Variants in KCTD21 observed in about 807,000 individuals in gnomAD.
KCTD21 encodes the protein potassium channel tetramerization domain containing 21.
KCTD21 carries 9 observed loss-of-function variants against 13.2 expected under a neutral mutation model. The observed-to-expected ratio is 0.68, with a 90% CI of 0.41 to 1.19. The LOEUF (loss-of-function observed/expected upper bound fraction) is 1.19. Ranked by LOEUF, KCTD21 falls within the 50% of genes most tolerant of loss-of-function variation. The pLI, the probability that KCTD21 is intolerant of heterozygous loss-of-function variation, is 0.01. For missense variants in KCTD21, 303 were observed against 336.5 expected (o/e 0.90, Z 0.78); for synonymous variants, 142 against 137.4 (o/e 1.03, Z -0.23).
chr11:78,177,724 T>C (rs1045307828), intron 1 of KCTD21: 2 of 152,338 alleles, frequency 1.3e-5, no homozygotes, highest in African/African-American at 4.8e-5. Context: ...GCCTAGGATC[T>C]ATAAAGTGGC....
At chr11:78,180,052 GA>G (rs1021597466) in intron 1 of KCTD21, among the ~76,000 whole-genome samples, 23 of 152,086 alleles carry the variant, frequency 1.5e-4, no homozygotes, top group African/African-American at 5.3e-4. Flanking sequence ...TGCTGTTTAT[GA>G]AAAATAAACT....
rs1288115947 is a variant in KCTD21, at chr11:78,174,365, G to A, written c.190C>T (p.Arg64Trp). The A allele has an allele frequency of 7.4e-6, 12 of 1,613,952 alleles. No homozygotes were observed. Among genetic ancestry groups the A allele is most frequent in the East Asian group, 2.2e-5 (1 of 44,880 alleles). Residue 64 changes from arginine to tryptophan, a missense_variant, in exon 2 of 2, where the codon CGG becomes TGG. Arg to Trp is a moderately radical substitution (Grantham distance 101). Coordinates refer to ENST00000340067, the MANE Select transcript of KCTD21 (RefSeq NM_001029859.3). ...KVFRYILNFL[R>W]TSHLDLPEDF... ...TCAGGCAGGTCAAGGTGGGAGGTCC[G>A]CAGGAAGTTGAGGATATAGCGGAAC...
intron 1 of KCTD21, among the ~76,000 whole-genome samples, chr11:78,176,603 G>A (rs1413197071): frequency 6.6e-6 from 1 of 152,146 alleles, no homozygotes; most frequent in Non-Finnish European, 1.5e-5. Context: ...ACCCCCAGAA[G>A]AGCCTGTGCT....
In KCTD21 at chr11:78,174,505, G is replaced by A. The variant is rs757747014; in HGVS notation, c.50C>T (p.Ser17Leu). The change falls in exon 2 of 2, where the codon TCA becomes TTA. Residue 17 changes from serine to leucine, a missense_variant. Coordinates refer to ENST00000340067, the MANE Select transcript of KCTD21 (RefSeq NM_001029859.3). ...LNVGGKLYTT[S>L]LATLTSFPDS... ...AGGGAAGCTGGTCAGGGTCGCCAGTGAGGTTGTATAGAGCTTCCCCCCGAC... is the reference window on the plus strand; with the variant it reads ...AGGGAAGCTGGTCAGGGTCGCCAGTAAGGTTGTATAGAGCTTCCCCCCGAC... 21 of 1,614,126 alleles carry A rather than the reference G, an allele frequency of 1.3e-5. No individual in the cohort carries two copies. The highest frequency in any genetic ancestry group is 1.7e-5 in the Admixed American group (1 of 60,022).
intron 1 of KCTD21, among the ~76,000 whole-genome samples, chr11:78,182,921 A>T (rs1862671561): frequency 6.6e-6 from 1 of 152,186 alleles, no homozygotes; most frequent in Non-Finnish European, 1.5e-5. Flanking sequence ...TTACTTCCAT[A>T]ATGAAATGAC....
rs770297678 is a variant in KCTD21, at chr11:78,174,096, G to A, written c.459C>T (p.Cys153=). The A allele has an allele frequency of 1.2e-6, 2 of 1,614,184 alleles. No individual in the cohort carries two copies. The highest frequency in any genetic ancestry group is 1.7e-5 in the Admixed American group (1 of 60,024). Residue 153 remains cysteine, a synonymous_variant, in exon 2 of 2, where the codon TGC becomes TGT. Coordinates refer to ENST00000340067, the MANE Select transcript of KCTD21 (RefSeq NM_001029859.3). ...TAGAGCCAAGGAGCTTGAGGAAGAG[G>A]CAGGAGGTGCTGAAGATGTTGGCGT... The part of the protein sequence containing the change: ...VFNANIFSTS[C]LFLKLLGSKL...
At position 78,179,777 on chromosome 11, in the gene KCTD21, CT is replaced by C. The variant is rs371520323; in HGVS notation, c.-29-5195del. On this transcript the variant is annotated intron_variant, in intron 1 of 1. Transcript: ENST00000340067. ...TGCCTTTGCTGTCCCTAGACCACCC[CT>C]GTCTACCTTCTCTACCCTCTCTGCT... Among the ~76,000 whole-genome samples the C allele has an allele frequency of 3.5e-4, 54 of 152,134 alleles. 3 individuals are homozygous for C. In the South Asian group the frequency reaches 4.1e-3, roughly 12 times the overall value.
intron 1 of KCTD21, among the ~76,000 whole-genome samples, chr11:78,180,899 T>TAGTG (rs60370686): frequency 0.62 from 93,821 of 151,614 alleles, 29,161 homozygotes; most frequent in Admixed American, 0.68. Flanking sequence ...GTTCTTGTGA[T>TAGTG]AGTGAGTTCT....
intron 1 of KCTD21, among the ~76,000 whole-genome samples, chr11:78,179,661 A>C (rs1353892381): frequency 6.6e-6 from 1 of 151,726 alleles, no homozygotes; most frequent in Non-Finnish European, 1.5e-5. Flanking sequence ...TCCCTGCCCA[A>C]CCACCTTCCT....
At position 78,173,691 on chromosome 11, in the gene KCTD21, C is replaced by T. The variant is rs1565380705; in HGVS notation, c.*81G>A. On this transcript the variant is annotated 3_prime_UTR_variant, in exon 2 of 2. Coordinates refer to ENST00000340067, the MANE Select transcript of KCTD21 (RefSeq NM_001029859.3). The stretch of plus-strand genomic sequence containing the variant: ...CAGATTAGTATAGTCCCCTGCCTCG[C>T]ACCACTGGCGAGATGCCCTCCAAGA... 6.9e-6 allele frequency: 8 copies of T among 1,166,302 alleles called. No homozygotes were observed. In the East Asian group the frequency reaches 1.6e-4, roughly 24 times the overall value. 72.2% of individuals were successfully genotyped at this position (1,166,302 alleles called of 1,614,324 possible). A position where few individuals can be genotyped will look rare whatever the true frequency, so the allele number is the denominator to read the frequency against.
Position 78,174,353 on chromosome 11 carries a change from G to C in KCTD21, c.202C>G (p.Leu68Val), listed in dbSNP as rs1345879958. 2.5e-6 allele frequency: 4 copies of C among 1,614,006 alleles called. No homozygotes were observed. Among genetic ancestry groups the C allele is most frequent in the Admixed American group, 1.7e-5 (1 of 60,006 alleles). The change falls in exon 2 of 2, where the codon CTT becomes GTT. Residue 68 changes from leucine (L) to valine (V), a missense_variant. By Grantham distance (32) the Leu-to-Val change is conservative. Coordinates refer to ENST00000340067, the MANE Select transcript of KCTD21 (RefSeq NM_001029859.3). ...YILNFLRTSH[L>V]DLPEDFQEMG... is the part of the protein sequence containing the mutation. ...TCCTGGAAGTCCTCAGGCAGGTCAA[G>C]GTGGGAGGTCCGCAGGAAGTTGAGG...
At chr11:78,187,472 C>A in intron 1 of KCTD21, 2 of 985,408 alleles carry the variant, frequency 2.0e-6, no homozygotes, top group Non-Finnish European at 2.4e-6. Flanking sequence ...AAGGAGACCA[C>A]GGAATCTGGC....
At chr11:78,183,372 C>T (rs936776994) in intron 1 of KCTD21, among the ~76,000 whole-genome samples, 6 of 152,000 alleles carry the variant, frequency 3.9e-5, no homozygotes, top group African/African-American at 1.4e-4. Flanking sequence ...CCCATCTCTA[C>T]TAAAAATACA....
chr11:78,183,522 T>G (rs544883205), intron 1 of KCTD21, among the ~76,000 whole-genome samples: 127 of 150,838 alleles, frequency 8.4e-4, no homozygotes, highest in Non-Finnish European at 1.5e-3. Flanking sequence ...GGCAACAGAG[T>G]GAGACTCCAT....
At chr11:78,184,502 A>C (rs1243141839) in intron 1 of KCTD21, among the ~76,000 whole-genome samples, 1 of 151,964 alleles carries the variant, frequency 6.6e-6, no homozygotes, top group Non-Finnish European at 1.5e-5. Flanking sequence ...ATGTCCGGCT[A>C]ATTTTTGTAT....
intron 1 of KCTD21, among the ~76,000 whole-genome samples, chr11:78,175,868 T>A (rs1862437764): frequency 1.3e-5 from 2 of 151,586 alleles, no homozygotes; most frequent in African/African-American, 4.8e-5. Flanking sequence ...TATCTCCTAA[T>A]GCTATCCCTC....
chr11:78,173,823 A>AT lies in KCTD21; in HGVS notation c.731dup (p.His244GlnfsTer9). On this transcript the variant is annotated frameshift_variant, in exon 2 of 2. Coordinates refer to ENST00000340067, the MANE Select transcript of KCTD21 (RefSeq NM_001029859.3). LOFTEE classifies it high-confidence loss of function. ...TCTTATTGTTCATAAAATCCAGAGC[A>AT]TGTGGGTGAGAAGAATCGATGCAGA... 6.2e-7 allele frequency: 1 copy of AT among 1,614,202 alleles called. No individual in the cohort carries two copies. The highest frequency in any genetic ancestry group is 1.1e-5 in the South Asian group (1 of 91,086).
At chr11:78,187,753 G>A (rs979744872) in intron 1 of KCTD21, 1 of 985,276 alleles carries the variant, frequency 1.0e-6, no homozygotes, top group Non-Finnish European at 1.2e-6. Context: ...AGGGTTGGGG[G>A]GACTGGTCCT....
chr11:78,171,255 A>T lies in KCTD21; in HGVS notation c.*2517T>A, dbSNP rs530552719. 6.5e-6 allele frequency: 1 copy of T among 152,822 alleles called. No individual in the cohort carries two copies. Among genetic ancestry groups the T allele is most frequent in the Admixed American group, 6.5e-5 (1 of 15,302 alleles). 9.5% of individuals were successfully genotyped at this position (152,822 alleles called of 1,614,324 possible). A position where few individuals can be genotyped will look rare whatever the true frequency, so the allele number is the denominator to read the frequency against. ...AGACACAAAAGAATAACAATCCTTT[A>T]TCATTTATACTGTATTCTCACGTTA... On this transcript the variant is annotated 3_prime_UTR_variant, in exon 2 of 2. Transcript: ENST00000340067.
Sources: gnomAD v4.1 joint callset for allele counts (sites outside exome capture counted in the v4.1 genomes callset) on GRCh38, gnomAD v4.1.1 for gene constraint, MANE v1.5 for transcripts, NCBI Gene and HGNC (gene_info 2026-07-23, HGNC 2026-07-21) for gene names.